Variants in CFAP61 observed in about 807,000 individuals in gnomAD.
The protein encoded by CFAP61 is cilia and flagella associated protein 61.
In CFAP61, 107 loss-of-function variants were observed where a neutral mutation model predicts 135.6. That is an observed-to-expected ratio of 0.79 (90% CI 0.67 to 0.93). CFAP61 has a LOEUF of 0.93. CFAP61 is among the 40% of genes least tolerant of loss of function. The probability of loss-of-function intolerance (pLI) is 0.00; values close to 1 mark genes in which losing one functional copy is unlikely to be tolerated. For synonymous variants in CFAP61, 575 were observed against 578.5 expected (o/e 0.99, Z 0.09); for missense variants, 1,507 against 1,556.2 (o/e 0.97, Z 0.53).
chr20:20,124,024 A>T (rs2049885050), intron 8 of CFAP61, among the ~76,000 whole-genome samples: 2 of 52,564 alleles, frequency 3.8e-5, no homozygotes, highest in Admixed American at 2.5e-4. Context: ...TTGAGTTCTT[A>T]ATTTGATTCT....
At chr20:20,293,955 T>C (rs375981469) in intron 24 of CFAP61, among the ~76,000 whole-genome samples, 101 of 152,166 alleles carry the variant, frequency 6.6e-4, no homozygotes, top group African/African-American at 2.2e-3. Flanking sequence ...CCAGAACCAT[T>C]TTCCAACCTT....
chr20:20,117,686 C>T (rs1197966693), intron 8 of CFAP61, among the ~76,000 whole-genome samples: 4 of 152,012 alleles, frequency 2.6e-5, no homozygotes, highest in African/African-American at 7.2e-5. Context: ...GTATTACTGT[C>T]GTTTTAACGA....
At chr20:20,148,363 G>A (rs6046654) in intron 9 of CFAP61, among the ~76,000 whole-genome samples, 137,286 of 152,246 alleles carry the variant, frequency 0.9, 62,718 homozygotes, top group Middle Eastern at 0.99. Flanking sequence ...TTTTCACAAT[G>A]TTGATTCTAC....
At chr20:20,089,034 A>C (rs2046996444) in intron 6 of CFAP61, among the ~76,000 whole-genome samples, 1 of 152,178 alleles carries the variant, frequency 6.6e-6, no homozygotes, top group South Asian at 2.1e-4. Context: ...TGCAGGGCGC[A>C]GGAGGAATGG....
intron 17 of CFAP61, among the ~76,000 whole-genome samples, chr20:20,208,217 T>C (rs2056944457): frequency 6.6e-6 from 1 of 152,238 alleles, no homozygotes. Flanking sequence ...TTGAGTTCTG[T>C]ATCTCATCGT....
intron 13 of CFAP61, among the ~76,000 whole-genome samples, chr20:20,178,533 G>A (rs542283561): frequency 1.4e-4 from 22 of 152,212 alleles, no homozygotes; most frequent in South Asian, 4.2e-4. Flanking sequence ...GTGGGGAAAC[G>A]TTTCAGATGT....
At chr20:20,311,840 T>C (rs2056848502) in intron 25 of CFAP61, among the ~76,000 whole-genome samples, 1 of 152,116 alleles carries the variant, frequency 6.6e-6, no homozygotes, top group Non-Finnish European at 1.5e-5. Context: ...TGTCTAATAC[T>C]CACACAAGGC....
rs142519162 is a variant in CFAP61 at position 20,102,112 on chromosome 20, G to T, written c.859+3298G>T. The stretch of plus-strand genomic sequence containing the variant: ...GTGAAAGGCCACTCTGACCTATGCA[G>T]GGGTCAGGCTGGAAGTGTCAGGAAA... On this transcript the variant is annotated intron_variant, in intron 8 of 26. Transcript: ENST00000245957. Among the ~76,000 whole-genome samples, 533 of 152,290 alleles carry T rather than the reference G, an allele frequency of 3.5e-3. 4 individuals carry two copies. The highest frequency in any genetic ancestry group is 6.7e-3 in the Non-Finnish European group (453 of 68,022).
rs2049476962 is a variant in CFAP61, at chr20:20,119,875, G to GA, written c.859+21062dup. On this transcript the variant is annotated intron_variant, in intron 8 of 26. Transcript: ENST00000245957. The stretch of plus-strand genomic sequence containing the variant: ...TTCTCATCATTTAGCTCCCACTTAT[G>GA]AGTGAGAACATGGAGTATTTGGTTT... 2.0e-5 allele frequency among the ~76,000 whole-genome samples: 3 copies of GA among 152,134 alleles called. No homozygotes were observed. In the South Asian group the frequency reaches 6.2e-4, roughly 32 times the overall value.
At chr20:20,281,061 A>G (rs1160743133) in intron 22 of CFAP61, among the ~76,000 whole-genome samples, 1 of 152,128 alleles carries the variant, frequency 6.6e-6, no homozygotes, top group Non-Finnish European at 1.5e-5. Context: ...AAATTTTGAA[A>G]TTTCCAGTTG....
intron 25 of CFAP61, among the ~76,000 whole-genome samples, chr20:20,309,108 C>T (rs1246620644): frequency 1.3e-5 from 2 of 152,176 alleles, no homozygotes; most frequent in African/African-American, 4.8e-5. Context: ...CAAAGAGACG[C>T]TTTGAAGCCA....
intron 25 of CFAP61, among the ~76,000 whole-genome samples, chr20:20,337,178 C>G (rs1221237073): frequency 6.6e-6 from 1 of 152,214 alleles, no homozygotes; most frequent in East Asian, 1.9e-4. Context: ...CAGAGGAAAG[C>G]AGCCACTGGA....
At chr20:20,104,789 C>T (rs767953094) in intron 8 of CFAP61, among the ~76,000 whole-genome samples, 32 of 152,172 alleles carry the variant, frequency 2.1e-4, no homozygotes, top group Non-Finnish European at 4.1e-4. Flanking sequence ...GGGTCAGTTT[C>T]TTTTGAGGCC....
intron 25 of CFAP61, among the ~76,000 whole-genome samples, chr20:20,322,338 T>A (rs2057558871): frequency 6.6e-6 from 1 of 152,144 alleles, no homozygotes; most frequent in Non-Finnish European, 1.5e-5. Flanking sequence ...CGTTCCCTGT[T>A]TCCTGACATG....
chr20:20,285,938 A>C (rs1453372420), intron 22 of CFAP61, among the ~76,000 whole-genome samples: 5 of 151,492 alleles, frequency 3.3e-5, no homozygotes, highest in African/African-American at 1.2e-4. Flanking sequence ...AAAAAAAACA[A>C]AAACAAACAA....
At chr20:20,177,548 A>C (rs1294342499) in intron 13 of CFAP61, among the ~76,000 whole-genome samples, 2 of 151,594 alleles carry the variant, frequency 1.3e-5, no homozygotes, top group Non-Finnish European at 2.9e-5. Flanking sequence ...TCCTTCCCAG[A>C]GACCCCAGCA....
chr20:20,110,972 C>T (rs908149588), intron 8 of CFAP61, among the ~76,000 whole-genome samples: 3 of 152,092 alleles, frequency 2.0e-5, no homozygotes, highest in Non-Finnish European at 2.9e-5. Flanking sequence ...AATTTGGAAA[C>T]ATTAATTACT....
At chr20:20,089,577 G>A (rs1308574559) in intron 6 of CFAP61, among the ~76,000 whole-genome samples, 1 of 114,296 alleles carries the variant, frequency 8.7e-6, no homozygotes, top group South Asian at 3.6e-4. Context: ...TTTACAGAAA[G>A]AGTATCAGAG....
chr20:20,058,311 A>T (rs1428671439), intron 2 of CFAP61, among the ~76,000 whole-genome samples: 1 of 152,234 alleles, frequency 6.6e-6, no homozygotes, highest in African/African-American at 2.4e-5. Context: ...TGTCCATTGG[A>T]TGGAAACAAC....
Sources: allele counts gnomAD v4.1 joint callset (sites outside exome capture counted in the v4.1 genomes callset), GRCh38; gene constraint gnomAD v4.1.1; transcripts MANE v1.5; gene names NCBI Gene and HGNC (gene_info 2026-07-23, HGNC 2026-07-21).